The following CECR2 variants were observed in gnomAD, a reference collection of about 807,000 sequenced individuals.
CECR2 encodes CECR2 histone acetyl-lysine reader, also known as chromatin remodeling regulator CECR2.
Under a neutral mutation model 154.5 loss-of-function variants are expected in CECR2, and 30 were observed. The ratio of observed to expected loss-of-function variants is 0.19; its 90% CI spans 0.15 to 0.26. CECR2 has a LOEUF of 0.26. Ranked by LOEUF, CECR2 falls within the 10% of genes least tolerant of loss-of-function variation. The pLI is 1.00. For missense variants in CECR2, 1,743 were observed against 1,829.3 expected (o/e 0.95, Z 0.86); for synonymous variants, 725 against 683.7 (o/e 1.06, Z -0.94).
intron 9 of CECR2, among the ~76,000 whole-genome samples, chr22:17,529,243 T>G (rs2056314339): frequency 1.3e-5 from 2 of 152,092 alleles, no homozygotes; most frequent in Admixed American, 1.3e-4. Context: ...AGGGCGAGGC[T>G]GCAGCGGAGG....
intron 1 of CECR2, among the ~76,000 whole-genome samples, chr22:17,390,893 G>A (rs769845577): frequency 2.2e-4 from 34 of 152,124 alleles, no homozygotes; most frequent in Non-Finnish European, 4.6e-4. Context: ...TTCAGAAAGT[G>A]AAATTACTTT....
intron 9 of CECR2, among the ~76,000 whole-genome samples, chr22:17,531,368 C>T (rs764070468): frequency 6.6e-5 from 10 of 152,284 alleles, no homozygotes; most frequent in South Asian, 4.1e-4. Flanking sequence ...ATGAGTTGAA[C>T]GGCATCAGCA....
At chr22:17,407,518 C>T (rs976755547) in intron 1 of CECR2, among the ~76,000 whole-genome samples, 2 of 151,906 alleles carry the variant, frequency 1.3e-5, no homozygotes, top group Non-Finnish European at 2.9e-5. Flanking sequence ...TCGCTTGAAC[C>T]TGGGAGGCGG....
intron 1 of CECR2, among the ~76,000 whole-genome samples, chr22:17,440,718 G>T (rs925197178): frequency 2.6e-5 from 4 of 152,000 alleles, no homozygotes; most frequent in African/African-American, 9.7e-5. Context: ...TCAAGTCTCC[G>T]AACAGATTTA....
intron 1 of CECR2, among the ~76,000 whole-genome samples, chr22:17,405,369 G>A (rs1209737407): frequency 2.0e-5 from 3 of 151,500 alleles, no homozygotes; most frequent in Non-Finnish European, 4.4e-5. Context: ...CCGAGATTGC[G>A]CCATGGCACT....
intron 1 of CECR2, among the ~76,000 whole-genome samples, chr22:17,443,552 A>G (rs1420623715): frequency 6.6e-6 from 1 of 152,160 alleles, no homozygotes; most frequent in Non-Finnish European, 1.5e-5. Flanking sequence ...ACCCAGAAGA[A>G]GAGATGGAAA....
At chr22:17,400,213 A>G (rs991112044) in intron 1 of CECR2, among the ~76,000 whole-genome samples, 1 of 152,214 alleles carries the variant, frequency 6.6e-6, no homozygotes, top group Admixed American at 6.5e-5. Context: ...TTTTATTTAC[A>G]TTATATTTCC....
chr22:17,475,794 G>A (rs560479907), intron 1 of CECR2, among the ~76,000 whole-genome samples: 77 of 152,112 alleles, frequency 5.1e-4, no homozygotes, highest in African/African-American at 1.7e-3. Flanking sequence ...CCCTCGCCTC[G>A]GCTGGCCTTT....
At chr22:17,390,533 C>A (rs1178788996) in intron 1 of CECR2, among the ~76,000 whole-genome samples, 1 of 152,226 alleles carries the variant, frequency 6.6e-6, no homozygotes, top group Non-Finnish European at 1.5e-5. Context: ...TTGCCTGAAT[C>A]AGTGATTACA....
chr22:17,482,304 G>C (rs1173432732), intron 2 of CECR2, among the ~76,000 whole-genome samples: 1 of 151,248 alleles, frequency 6.6e-6, no homozygotes, highest in African/African-American at 2.4e-5. Context: ...GGTGCCTGTA[G>C]TCCCAGCTAC....
chr22:17,511,876 A>C lies in CECR2; in HGVS notation c.934A>C (p.Ile312Leu). 6.2e-7 allele frequency: 1 copy of C among 1,611,746 alleles called. No homozygotes were observed. The highest frequency in any genetic ancestry group is 8.5e-7 in the Non-Finnish European group (1 of 1,178,476). Residue 312 changes from isoleucine (I) to leucine (L), a missense_variant, in exon 8 of 19, where the codon ATC becomes CTC. Physicochemically the swap from Ile to Leu is conservative, Grantham distance 5 (BLOSUM62 2). Coordinates refer to ENST00000262608, the MANE Select transcript of CECR2 (RefSeq NM_001290047.2). Reference protein sequence around the residue: ...HPRWMSDHLSIKPVKQEETPV... With the variant: ...HPRWMSDHLSLKPVKQEETPV... ...TAGGTGGATGTCTGACCACCTGTCC[A>C]TCAAACCCGTCAAGCAAGAGGTGAG...
chr22:17,430,460 C>T (rs2054404354), intron 1 of CECR2, among the ~76,000 whole-genome samples: 1 of 152,156 alleles, frequency 6.6e-6, no homozygotes, highest in African/African-American at 2.4e-5. Context: ...TCCATCAGCC[C>T]TTGTAGTTCA....
chr22:17,420,581 T>G (rs2146599962), intron 1 of CECR2, among the ~76,000 whole-genome samples: 1 of 152,320 alleles, frequency 6.6e-6, no homozygotes, highest in Non-Finnish European at 1.5e-5. Flanking sequence ...TGAGCATAGC[T>G]TGTCCCAACC....
At chr22:17,427,503 T>C (rs946299126) in intron 1 of CECR2, among the ~76,000 whole-genome samples, 3 of 152,066 alleles carry the variant, frequency 2.0e-5, no homozygotes, top group East Asian at 3.9e-4. Context: ...CTCTTAAAGG[T>C]GGCGCGTCCA....
intron 1 of CECR2, among the ~76,000 whole-genome samples, chr22:17,421,505 C>T (rs916046854): frequency 1.4e-5 from 2 of 146,182 alleles, no homozygotes; most frequent in Admixed American, 1.4e-4. Flanking sequence ...GTCCCAGCTA[C>T]TTGGGAGGCT....
chr22:17,503,184 T>C (rs1488446831), intron 6 of CECR2, 53 bp downstream of exon 6: 1 of 1,502,048 alleles, frequency 6.7e-7, no homozygotes, highest in East Asian at 2.3e-5. Context: ...GATTCATTTA[T>C]GCTAGGGTGT....
chr22:17,465,446 C>T (rs2055015390), intron 1 of CECR2, among the ~76,000 whole-genome samples: 1 of 152,162 alleles, frequency 6.6e-6, no homozygotes, highest in Non-Finnish European at 1.5e-5. Context: ...TCTCATGCCT[C>T]AGCCTCCCTA....
chr22:17,397,488 A>G (rs541645651), intron 1 of CECR2, among the ~76,000 whole-genome samples: 2 of 152,140 alleles, frequency 1.3e-5, no homozygotes, highest in South Asian at 2.1e-4. Flanking sequence ...AACCCTACGT[A>G]TAAACACAAA....
chr22:17,391,912 C>T (rs1027616304), intron 1 of CECR2, among the ~76,000 whole-genome samples: 1 of 152,168 alleles, frequency 6.6e-6, no homozygotes, highest in African/African-American at 2.4e-5. Context: ...AGCAATTCCC[C>T]CGTCTCAGCT....
Sources: allele counts gnomAD v4.1 joint callset (sites outside exome capture counted in the v4.1 genomes callset), GRCh38; gene constraint gnomAD v4.1.1; transcripts MANE v1.5; gene names NCBI Gene and HGNC (gene_info 2026-07-23, HGNC 2026-07-21).